AFMID: variants seen among roughly 807,000 people sequenced by gnomAD.
The protein encoded by AFMID is kynurenine formamidase.
AFMID carries 39 observed loss-of-function variants against 47.5 expected under a neutral mutation model. That is an observed-to-expected ratio of 0.82 (90% CI 0.64 to 1.07). The LOEUF (loss-of-function observed/expected upper bound fraction) is 1.07. AFMID is among the 50% of genes least tolerant of loss of function. AFMID has a pLI of 0.00. For missense variants in AFMID, 375 were observed against 387.5 expected (o/e 0.97, Z 0.27); for synonymous variants, 130 against 153.2 (o/e 0.85, Z 1.12).
At position 78,207,165 on chromosome 17, in the gene AFMID, G is replaced by T. The variant is rs914068052; in HGVS notation, c.*228G>T. On this transcript the variant is annotated 3_prime_UTR_variant, in exon 11 of 11. Coordinates refer to ENST00000409257, the MANE Select transcript of AFMID (RefSeq NM_001010982.5). ...GGAGCTCCAGGGCTGGGGAACGTCC[G>T]CAAGTCAATGCTCAGAGATGCCCGG... is the stretch of plus-strand genomic sequence containing the variant. 1.2e-5 allele frequency: 7 copies of T among 582,194 alleles called. No homozygotes were observed. Among genetic ancestry groups the T allele is most frequent in the Middle Eastern group, 4.5e-4 (1 of 2,238 alleles). 36.1% of individuals were successfully genotyped at this position (582,194 alleles called of 1,614,324 possible).
At chr17:78,204,622 T>A in intron 4 of AFMID, 34 bp from the exon 5 acceptor site, 1 of 1,612,156 alleles carries the variant, frequency 6.2e-7, no homozygotes, top group Non-Finnish European at 8.5e-7. Context: ...GTGGCCAAGC[T>A]GCCTCCAGCT....
At chr17:78,193,633 G>A (rs1464950918) in intron 2 of AFMID, among the ~76,000 whole-genome samples, 1 of 151,524 alleles carries the variant, frequency 6.6e-6, no homozygotes, top group Admixed American at 6.6e-5. Context: ...GATCCTTTGA[G>A]GCCAGGAGTT....
chr17:78,188,709 G>T (rs2075874010), intron 1 of AFMID, among the ~76,000 whole-genome samples: 1 of 152,134 alleles, frequency 6.6e-6, no homozygotes, highest in Admixed American at 6.5e-5. Context: ...CCATTCTCCG[G>T]CCTCAGCCTC....
At position 78,205,205 on chromosome 17, in the gene AFMID, T is replaced by C; in HGVS notation, c.565+15T>C. On this transcript the variant is annotated intron_variant, in intron 7 of 10. Transcript: ENST00000409257. The stretch of plus-strand genomic sequence containing the variant: ...CAACCTCAGAGGTTTCCATGGGAGC[T>C]ACAGCCTGGCTGGGCAACCTTCATC... The C allele has an allele frequency of 6.2e-7, 1 of 1,604,678 alleles. No homozygotes were observed. Among genetic ancestry groups the C allele is most frequent in the Non-Finnish European group, 8.5e-7 (1 of 1,175,080 alleles).
chr17:78,205,271 C>T (rs2076348567), intron 7 of AFMID, 81 bp downstream of exon 7: 2 of 1,489,458 alleles, frequency 1.3e-6, no homozygotes, highest in Non-Finnish European at 1.9e-6. Context: ...GCTTGAAATC[C>T]TCCCGGCCAT....
rs763642277 is a variant in AFMID at position 78,205,667 on chromosome 17, T to G, written c.709T>G (p.Cys237Gly). Reference sequence around the variant, plus strand: ...CCAGGCACAGCCGGTGGACCCCACCTGCCGTGTGCTGGTGGTCGTGGGCCA... The same window carrying G: ...CCAGGCACAGCCGGTGGACCCCACCGGCCGTGTGCTGGTGGTCGTGGGCCA... ...VAQAQPVDPT[C>G]RVLVVVGQFD... Residue 237 changes from cysteine (C) to glycine (G), a missense_variant, in exon 9 of 11, where the codon TGC (cysteine) becomes GGC (glycine). Cys to Gly is a radical substitution (Grantham distance 159, BLOSUM62 -3). Transcript: ENST00000409257. The G allele has an allele frequency of 1.1e-5, 17 of 1,613,670 alleles. No individual in the cohort carries two copies. The highest frequency in any genetic ancestry group is 1.4e-5 in the Non-Finnish European group (17 of 1,179,986).
chr17:78,200,440 C>G (rs932006076), intron 2 of AFMID, among the ~76,000 whole-genome samples: 1 of 152,152 alleles, frequency 6.6e-6, no homozygotes, highest in Non-Finnish European at 1.5e-5. Context: ...TGCAGGTTCC[C>G]GGTTGGTATT....
chr17:78,194,591 G>GT (rs2076059910), intron 2 of AFMID, among the ~76,000 whole-genome samples: 1 of 152,210 alleles, frequency 6.6e-6, no homozygotes, highest in Non-Finnish European at 1.5e-5. Context: ...TCTAACTGCT[G>GT]TGTGAGTATG....
intron 4 of AFMID, 32 bp from the exon 5 acceptor site, chr17:78,204,623 GC>G (rs1169084856): frequency 6.2e-7 from 1 of 1,612,200 alleles, no homozygotes; most frequent in Admixed American, 1.7e-5. Flanking sequence ...TGGCCAAGCT[GC>G]CTCCAGCTGT....
intron 2 of AFMID, among the ~76,000 whole-genome samples, chr17:78,193,370 CAAAAAAAAAAAAAA>C (rs199993168): frequency 8.7e-4 from 60 of 68,946 alleles, no homozygotes; most frequent in South Asian, 7.7e-3. Context: ...GACTCTGTCT[CAAAAAAAAAAAAAA>C]AAAAAAAAAA....
At chr17:78,206,431 A>C (rs2145882668) in intron 10 of AFMID, among the ~76,000 whole-genome samples, 1 of 149,918 alleles carries the variant, frequency 6.7e-6, no homozygotes, top group African/African-American at 2.4e-5. Context: ...TTTTCTTTAG[A>C]GACAGGGTCT....
chr17:78,197,943 G>T (rs548884709), intron 2 of AFMID, among the ~76,000 whole-genome samples: 16 of 152,074 alleles, frequency 1.1e-4, no homozygotes, highest in Non-Finnish European at 1.9e-4. Context: ...GCAAGACCTG[G>T]TCTCTACAAA....
chr17:78,202,555 G>A lies in AFMID; in HGVS notation c.211G>A (p.Gly71Ser), dbSNP rs144866146. ...CCTGCTGCATGTCCCCTATGGAGACGGCGAAGGGGAGAAAGTGGACATTTA... is the reference window on the plus strand; with the variant it reads ...CCTGCTGCATGTCCCCTATGGAGACAGCGAAGGGGAGAAAGTGGACATTTA... Reference protein sequence around the residue: ...KSLLHVPYGDGEGEKVDIYFP... With the variant: ...KSLLHVPYGDSEGEKVDIYFP... Residue 71 changes from glycine to serine, a missense_variant, in exon 3 of 11, where the codon GGC becomes AGC. Physicochemically the swap from Gly to Ser is moderately conservative, Grantham distance 56. Coordinates refer to ENST00000409257, the MANE Select transcript of AFMID (RefSeq NM_001010982.5). 695 of 1,614,138 alleles carry A rather than the reference G, an allele frequency of 4.3e-4. 2 individuals are homozygous for A. The highest frequency in any genetic ancestry group is 2.5e-3 in the Middle Eastern group (15 of 6,062).
chr17:78,200,916 A>C (rs986810409), intron 2 of AFMID, among the ~76,000 whole-genome samples: 2 of 152,156 alleles, frequency 1.3e-5, no homozygotes, highest in African/African-American at 4.8e-5. Flanking sequence ...CTAGCTGTGA[A>C]TACTAGGAGT....
chr17:78,207,108 A>T lies in AFMID; in HGVS notation c.*171A>T. 1.4e-6 allele frequency: 1 copy of T among 713,874 alleles called. No homozygotes were observed. Among genetic ancestry groups the T allele is most frequent in the Non-Finnish European group, 2.4e-6 (1 of 412,524 alleles). 44.2% of individuals were successfully genotyped at this position (713,874 alleles called of 1,614,324 possible). On this transcript the variant is annotated 3_prime_UTR_variant, in exon 11 of 11. Coordinates refer to ENST00000409257, the MANE Select transcript of AFMID (RefSeq NM_001010982.5). ...TCTCACTGCTGGGACACTCATGAAAATCTCCACGTCCTCCCTCTTCCCAGC... is the reference window on the plus strand; with the variant it reads ...TCTCACTGCTGGGACACTCATGAAATTCTCCACGTCCTCCCTCTTCCCAGC...
intron 2 of AFMID, among the ~76,000 whole-genome samples, chr17:78,196,585 G>A (rs9913411): frequency 0.14 from 21,380 of 151,910 alleles, 2,133 homozygotes; most frequent in African/African-American, 0.28. Context: ...AGGCTGAAGT[G>A]GGAGAATAGC....
Position 78,205,612 on chromosome 17 carries a change from T to G in AFMID, c.654T>G (p.Ala218=). The G allele has an allele frequency of 6.2e-7, 1 of 1,613,732 alleles. No homozygotes were observed. Among genetic ancestry groups the G allele is most frequent in the Non-Finnish European group, 8.5e-7 (1 of 1,179,746 alleles). ...CCACTCCCCACCCCAGGGAGGACGC[T>G]CAGAGGAATAGCCCCCAGCTGAAGG... ...NVALQLTLED[A]QRNSPQLKVA... The change falls in exon 9 of 11, where the codon GCT becomes GCG. Residue 218 remains alanine (A), a synonymous_variant. Transcript: ENST00000409257.
chr17:78,202,136 G>C (rs1161769930), intron 2 of AFMID, among the ~76,000 whole-genome samples: 1 of 151,488 alleles, frequency 6.6e-6, no homozygotes, highest in Non-Finnish European at 1.5e-5. Flanking sequence ...AGAAATTGCC[G>C]CCACCTGGCT....
Position 78,204,826 on chromosome 17 carries a change from A to G in AFMID, c.395-2A>G, listed in dbSNP as rs138105144. ...CTGACCCAGCTCATGCTCTCTGTGC[A>G]GGCACCCTGGACCACATGGTAGACC... On this transcript the variant is annotated splice_acceptor_variant, in intron 5 of 10. Coordinates refer to ENST00000409257, the MANE Select transcript of AFMID (RefSeq NM_001010982.5). LOFTEE classifies it high-confidence loss of function. 4,083 of 1,614,234 alleles carry G rather than the reference A, an allele frequency of 2.5e-3. 11 individuals carry two copies. The highest frequency in any genetic ancestry group is 3.2e-3 in the Non-Finnish European group (3,806 of 1,180,038).
Sources: gnomAD v4.1 joint callset for allele counts (sites outside exome capture counted in the v4.1 genomes callset) on GRCh38, gnomAD v4.1.1 for gene constraint, MANE v1.5 for transcripts, NCBI Gene and HGNC (gene_info 2026-07-23, HGNC 2026-07-21) for gene names.